TMX1: variants seen among roughly 807,000 people sequenced by gnomAD.
TMX1 encodes thioredoxin related transmembrane protein 1.
Under a neutral mutation model 36.6 loss-of-function variants are expected in TMX1, and 25 were observed. The ratio of observed to expected loss-of-function variants is 0.68; its 90% CI spans 0.50 to 0.95. The LOEUF (loss-of-function observed/expected upper bound fraction) is 0.95. TMX1 is among the 40% of genes least tolerant of loss of function. TMX1 has a pLI of 0.00. For synonymous variants in TMX1, 133 were observed against 118.0 expected (o/e 1.13, Z -0.82); for missense variants, 347 against 339.6 (o/e 1.02, Z -0.17).
chr14:51,252,952 T>C (rs561295416), intron 7 of TMX1, among the ~76,000 whole-genome samples: 151 of 152,326 alleles, frequency 9.9e-4, no homozygotes, highest in Non-Finnish European at 1.6e-3. Flanking sequence ...CTAGTTTTTT[T>C]CTGCTCACAA....
Position 51,249,556 on chromosome 14 carries a change from T to A in TMX1, c.578T>A (p.Leu193Gln). 4 of 1,613,776 alleles carry A rather than the reference T, an allele frequency of 2.5e-6. No individual in the cohort carries two copies. The highest frequency in any genetic ancestry group is 3.4e-6 in the Non-Finnish European group (4 of 1,179,848). ...GCTTTAGCAACTCTGTTTTCCGGACTGTTATTAGGACTCGTAAGTATTTCA... is the reference window on the plus strand; with the variant it reads ...GCTTTAGCAACTCTGTTTTCCGGACAGTTATTAGGACTCGTAAGTATTTCA... The part of the protein sequence containing the change: ...VFALATLFSG[L>Q]LLGLCMIFVA... The change falls in exon 6 of 8, where the codon CTG becomes CAG. Residue 193 changes from leucine (L) to glutamine (Q), a missense_variant. Leu to Gln is a moderately radical substitution (Grantham distance 113). Coordinates refer to ENST00000457354, the MANE Select transcript of TMX1 (RefSeq NM_030755.5).
Position 51,254,540 on chromosome 14 carries a change from A to G in TMX1, c.*21A>G. 1 of 1,562,138 alleles carries G rather than the reference A, an allele frequency of 6.4e-7. No individual in the cohort carries two copies. The highest frequency in any genetic ancestry group is 8.6e-7 in the Non-Finnish European group (1 of 1,160,506). On this transcript the variant is annotated 3_prime_UTR_variant, in exon 8 of 8. Coordinates refer to ENST00000457354, the MANE Select transcript of TMX1 (RefSeq NM_030755.5). ...CCTAGTTAAATTTTATAGTTATCTT[A>G]ATATTATGATTTTGATAAAAACAGA...
At chr14:51,246,185 T>G (rs989418808) in intron 3 of TMX1, among the ~76,000 whole-genome samples, 6 of 152,176 alleles carry the variant, frequency 3.9e-5, no homozygotes, top group African/African-American at 7.2e-5. Flanking sequence ...CATTCAGTCC[T>G]TTTCCCCACG....
intron 3 of TMX1, chr14:51,245,816 T>C (rs1290181308): frequency 7.4e-6 from 2 of 269,632 alleles, no homozygotes; most frequent in African/African-American, 2.2e-5. Flanking sequence ...GAACATGTTA[T>C]GTCCAAAAAG....
At chr14:51,246,890 G>C (rs2065788092) in intron 3 of TMX1, among the ~76,000 whole-genome samples, 1 of 152,092 alleles carries the variant, frequency 6.6e-6, no homozygotes, top group African/African-American at 2.4e-5. Flanking sequence ...TAAGGCTTAT[G>C]ATTTAAAAAA....
At position 51,251,332 on chromosome 14, in the gene TMX1, T is replaced by A. The variant is rs144131374; in HGVS notation, c.664+1567T>A. On this transcript the variant is annotated intron_variant, in intron 7 of 7. Transcript: ENST00000457354. Reference sequence around the variant, plus strand: ...GTTAGGTTAGGTGTATTAATGTATTTCAACTTATGTAAGGATAGGTTAGTT... The same window carrying A: ...GTTAGGTTAGGTGTATTAATGTATTACAACTTATGTAAGGATAGGTTAGTT... Among the ~76,000 whole-genome samples, 413 of 152,330 alleles carry A rather than the reference T, an allele frequency of 2.7e-3. 1 individual carries two copies. Among genetic ancestry groups the A allele is most frequent in the South Asian group, 0.013 (64 of 4,826 alleles).
chr14:51,241,374 T>C (rs547605740), intron 1 of TMX1, among the ~76,000 whole-genome samples: 1 of 152,350 alleles, frequency 6.6e-6, no homozygotes, highest in African/African-American at 2.4e-5. Flanking sequence ...AACAGTGTAC[T>C]GGACACCACT....
intron 3 of TMX1, chr14:51,245,627 G>A (rs1296899174): frequency 1.6e-6 from 1 of 641,406 alleles, no homozygotes; most frequent in Non-Finnish European, 2.5e-6. Context: ...AGCGTGTTAA[G>A]TCATTATGCA....
intron 2 of TMX1, 189 bp downstream of exon 2, chr14:51,244,160 A>T (rs61985123): frequency 0.089 from 38,617 of 433,646 alleles, 2,020 homozygotes; most frequent in Middle Eastern, 0.14. Context: ...CAAAATGGAG[A>T]TTCCCTGGTT....
intron 4 of TMX1, 111 bp downstream of exon 4, chr14:51,247,331 T>G (rs1273365132): frequency 1.0e-6 from 1 of 989,764 alleles, no homozygotes; most frequent in East Asian, 3.1e-5. Context: ...TTAAGGTATA[T>G]CCACATTTAT....
At chr14:51,246,306 T>C (rs2065785449) in intron 3 of TMX1, among the ~76,000 whole-genome samples, 1 of 152,184 alleles carries the variant, frequency 6.6e-6, no homozygotes, top group African/African-American at 2.4e-5. Context: ...TCCTTTCTCC[T>C]GTTTCCTGCC....
rs2065789804 is a variant in TMX1 at position 51,247,228 on chromosome 14, T to C, written c.443+8T>C. On this transcript the variant is annotated splice_region_variant and intron_variant, in intron 4 of 7. Coordinates refer to ENST00000457354, the MANE Select transcript of TMX1 (RefSeq NM_030755.5). Reference sequence around the variant, plus strand: ...TGGTCCAGGTTCTGTTCTGTAAGTATGAGGGCTTTTTCTCTTACCCATTTC... The same window carrying C: ...TGGTCCAGGTTCTGTTCTGTAAGTACGAGGGCTTTTTCTCTTACCCATTTC... The C allele has an allele frequency of 6.2e-7, 1 of 1,605,760 alleles. No homozygotes were observed. Among genetic ancestry groups the C allele is most frequent in the Non-Finnish European group, 8.5e-7 (1 of 1,177,462 alleles).
chr14:51,256,880 CTTTTT>C lies in TMX1; in HGVS notation c.*2364_*2368del, dbSNP rs1290565011. 1 of 151,674 alleles carries C rather than the reference CTTTTT, an allele frequency of 6.6e-6. No homozygotes were observed. The highest frequency in any genetic ancestry group is 1.9e-4 in the East Asian group (1 of 5,178). 9.4% of individuals were successfully genotyped at this position (151,674 alleles called of 1,614,324 possible). ...TTTGAATCTAATTCTTGTTCCAAAT[CTTTTT>C]TTGTTTGTTTTTGTTTTTGTTTTTT... On this transcript the variant is annotated 3_prime_UTR_variant, in exon 8 of 8. Transcript: ENST00000457354.
chr14:51,241,268 AAAGT>A (rs2065759541), intron 1 of TMX1, among the ~76,000 whole-genome samples: 1 of 152,206 alleles, frequency 6.6e-6, no homozygotes, highest in African/African-American at 2.4e-5. Flanking sequence ...GGTGGGAAAT[AAAGT>A]ATCTGTCTTT....
intron 5 of TMX1, 25 bp from the exon 6 acceptor site, chr14:51,249,443 G>T: frequency 5.0e-6 from 7 of 1,396,176 alleles, no homozygotes; most frequent in Middle Eastern, 1.8e-4. Flanking sequence ...CAGATTTTTA[G>T]TTTTTTTTTT....
intron 1 of TMX1, among the ~76,000 whole-genome samples, chr14:51,242,934 T>C (rs934506606): frequency 3.3e-5 from 5 of 152,274 alleles, no homozygotes; most frequent in African/African-American, 1.2e-4. Context: ...TGTAATACGA[T>C]TTATTGTTAG....
At chr14:51,248,524 C>G (rs1205261856) in intron 4 of TMX1, among the ~76,000 whole-genome samples, 1 of 152,180 alleles carries the variant, frequency 6.6e-6, no homozygotes, top group Non-Finnish European at 1.5e-5. Flanking sequence ...TTCCTTGTTT[C>G]TCTTCTCACT....
In TMX1 at chr14:51,255,934, C is replaced by T. The variant is rs746390756; in HGVS notation, c.*1415C>T. On this transcript the variant is annotated 3_prime_UTR_variant, in exon 8 of 8. Coordinates refer to ENST00000457354, the MANE Select transcript of TMX1 (RefSeq NM_030755.5). Reference sequence around the variant, plus strand: ...ATATACAAGTTTTCTTTAAAGCCCTCTCCTTTAGAATTTAAAATATTGTAC... The same window carrying T: ...ATATACAAGTTTTCTTTAAAGCCCTTTCCTTTAGAATTTAAAATATTGTAC... 8 of 152,494 alleles carry T rather than the reference C, an allele frequency of 5.2e-5. No individual in the cohort carries two copies. The highest frequency in any genetic ancestry group is 1.2e-4 in the Non-Finnish European group (8 of 67,936). The allele number at this position is 152,494 out of a possible 1,614,324, so 9.4% of individuals were successfully genotyped here.
chr14:51,253,561 A>T (rs1212474149), intron 7 of TMX1, among the ~76,000 whole-genome samples: 3 of 152,146 alleles, frequency 2.0e-5, no homozygotes, highest in East Asian at 3.9e-4. Context: ...GCAGTCTGAG[A>T]TCATTGAACA....
Sources: allele counts gnomAD v4.1 joint callset (sites outside exome capture counted in the v4.1 genomes callset), GRCh38; gene constraint gnomAD v4.1.1; transcripts MANE v1.5; gene names NCBI Gene and HGNC (gene_info 2026-07-23, HGNC 2026-07-21).